The following MYBPH variants were observed in gnomAD, a reference collection of about 807,000 sequenced individuals.
The protein encoded by MYBPH is myosin binding protein H, also known as myosin-binding protein H.
MYBPH carries 49 observed loss-of-function variants against 53.6 expected under a neutral mutation model. The ratio of observed to expected loss-of-function variants is 0.91; its 90% CI spans 0.73 to 1.16. The LOEUF is 1.16. MYBPH is among the 50% of genes most tolerant of loss of function. MYBPH has a pLI of 0.00. For synonymous variants in MYBPH, 239 were observed against 249.6 expected (o/e 0.96, Z 0.40); for missense variants, 558 against 624.1 (o/e 0.89, Z 1.13).
At chr1:203,169,194 G>T (rs1454867425) in intron 8 of MYBPH, 59 bp downstream of exon 8, 1 of 1,577,356 alleles carries the variant, frequency 6.3e-7, no homozygotes, top group Non-Finnish European at 8.6e-7. Flanking sequence ...GGATTCCTCA[G>T]CCCTGCTGTC....
At chr1:203,174,884 T>G (rs1655769265) in intron 2 of MYBPH, among the ~76,000 whole-genome samples, 2 of 152,086 alleles carry the variant, frequency 1.3e-5, no homozygotes, top group African/African-American at 2.4e-5. Flanking sequence ...AGGCTGGACT[T>G]GGGCCATGGA....
At position 203,171,289 on chromosome 1, in the gene MYBPH, C is replaced by A; in HGVS notation, c.794-89G>T. On this transcript the variant is annotated intron_variant, in intron 5 of 10. Transcript: ENST00000255416. The surrounding 1 kb of genome is among the most constrained non-coding windows in gnomAD (Gnocchi z 4.2). ...CCCAAAATTTGGCTCTTGCCACACTCCCTTGGCCTGCTCCCATCAGCCATC... is the reference window on the plus strand; with the variant it reads ...CCCAAAATTTGGCTCTTGCCACACTACCTTGGCCTGCTCCCATCAGCCATC... The A allele has an allele frequency of 6.4e-7, 1 of 1,560,250 alleles. No homozygotes were observed.
In MYBPH at chr1:203,174,398, G is replaced by T. The variant is rs763326186; in HGVS notation, c.508+32C>A. 1.9e-6 allele frequency: 3 copies of T among 1,548,344 alleles called. No individual in the cohort carries two copies. In the Admixed American group the frequency reaches 5.5e-5, roughly 28 times the overall value. On this transcript the variant is annotated intron_variant, in intron 3 of 10. Transcript: ENST00000255416. ...CCATTAGATAAGGTGTTTGGGAAGGGCTGGGTAGCTGAAGGCCAGGATGGG... is the reference window on the plus strand; with the variant it reads ...CCATTAGATAAGGTGTTTGGGAAGGTCTGGGTAGCTGAAGGCCAGGATGGG...
intron 3 of MYBPH, 40 bp from the exon 4 acceptor site, chr1:203,172,080 G>A: frequency 8.1e-7 from 1 of 1,227,184 alleles, no homozygotes; most frequent in Non-Finnish European, 1.0e-6. Context: ...AGTGCAGTGG[G>A]GTGGCTGATT....
Position 203,175,766 on chromosome 1 carries a change from G to T in MYBPH, c.-11C>A, listed in dbSNP as rs370174867. The T allele has an allele frequency of 2.5e-6, 4 of 1,613,484 alleles. No individual in the cohort carries two copies. The Admixed American group carries it at 6.7e-5, about 27-fold the overall frequency. ...GTTTTTTTCCATCATTGCTGGACTG[G>T]CTGGGGGGCCAGGGTGGAGTGTGCA... is the stretch of plus-strand genomic sequence containing the variant. On this transcript the variant is annotated 5_prime_UTR_variant, in exon 1 of 11. Transcript: ENST00000255416.
At chr1:203,176,727 A>G (rs79032363), upstream of MYBPH, among the ~76,000 whole-genome samples, 2,219 of 152,288 alleles carry the variant, frequency 0.015, 22 homozygotes, top group African/African-American at 0.039. Flanking sequence ...AAAGCCAGAA[A>G]ATGCCATGTG....
At position 203,171,431 on chromosome 1, in the gene MYBPH, G is replaced by T; in HGVS notation, c.745C>A (p.Arg249Ser). Reference protein sequence around the residue: ...SDSGRYELTVRVEDLEAKAVI... With the variant: ...SDSGRYELTVSVEDLEAKAVI... Reference sequence around the variant, plus strand: ...GCCTTGGCCTCCAGGTCTTCCACGCGCACAGTGAGCTCGTAGCGGCCAGAG... The same window carrying T: ...GCCTTGGCCTCCAGGTCTTCCACGCTCACAGTGAGCTCGTAGCGGCCAGAG... Residue 249 changes from arginine to serine, a missense_variant, in exon 5 of 11, where the codon CGC becomes AGC. Coordinates refer to ENST00000255416, the MANE Select transcript of MYBPH (RefSeq NM_004997.3). This position sits in a 1 kb window ranked among gnomAD's most constrained non-coding sequence, Gnocchi z 4.2. 1 of 1,613,982 alleles carries T rather than the reference G, an allele frequency of 6.2e-7. No homozygotes were observed. The highest frequency in any genetic ancestry group is 8.5e-7 in the Non-Finnish European group (1 of 1,180,028).
chr1:203,171,684 T>A lies in MYBPH; in HGVS notation c.598-106A>T. The A allele has an allele frequency of 2.5e-6, 3 of 1,211,444 alleles. No individual in the cohort carries two copies. The allele number at this position is 1,211,444 out of a possible 1,614,324, so 75.0% of individuals were successfully genotyped here. A position where few individuals can be genotyped will look rare whatever the true frequency, so the allele number is the denominator to read the frequency against. The stretch of plus-strand genomic sequence containing the variant: ...CTGTTCTCGGGGAAGCCTGTCCCAC[T>A]GGCCCTTCTCAGGAGGGGCAGCAGA... On this transcript the variant is annotated intron_variant, in intron 4 of 10. Transcript: ENST00000255416. This position sits in a 1 kb window ranked among gnomAD's most constrained non-coding sequence, Gnocchi z 4.2.
upstream of MYBPH, among the ~76,000 whole-genome samples, chr1:203,177,150 T>C (rs1655827297): frequency 6.6e-6 from 1 of 152,176 alleles, no homozygotes; most frequent in South Asian, 2.1e-4. Flanking sequence ...CAGGCTCCCT[T>C]CTTCAAGGTA....
chr1:203,169,648 T>A (rs7545750), intron 7 of MYBPH, among the ~76,000 whole-genome samples: 11,279 of 152,234 alleles, frequency 0.074, 539 homozygotes, highest in South Asian at 0.2. Context: ...GTGCCACGTT[T>A]CCTTTGGGTT....
chr1:203,177,101 A>T (rs888854126), upstream of MYBPH, among the ~76,000 whole-genome samples: 2 of 152,238 alleles, frequency 1.3e-5, no homozygotes, highest in African/African-American at 4.8e-5. Flanking sequence ...GTTGCGTCTC[A>T]TCTGTCTCAT....
chr1:203,168,856 C>T, intron 9 of MYBPH, 50 bp downstream of exon 9: 1 of 1,604,234 alleles, frequency 6.2e-7, no homozygotes, highest in Non-Finnish European at 8.5e-7. Context: ...TGCCTCTAGT[C>T]CAGTTCCAGA....
chr1:203,177,703 G>T (rs1050597766), upstream of MYBPH, among the ~76,000 whole-genome samples: 4 of 152,378 alleles, frequency 2.6e-5, no homozygotes, highest in Admixed American at 2.0e-4. Context: ...GCCCTGGAGA[G>T]CCTGTCCCCG....
Position 203,171,601 on chromosome 1 carries a change from G to T in MYBPH, c.598-23C>A, listed in dbSNP as rs760975612. On this transcript the variant is annotated intron_variant, in intron 4 of 10. Coordinates refer to ENST00000255416, the MANE Select transcript of MYBPH (RefSeq NM_004997.3). The surrounding 1 kb of genome is among the most constrained non-coding windows in gnomAD (Gnocchi z 4.2). ...CCCCTGGCAGGGAGGAGCCCCCAGGGTGAGTGTAGGGAGGTGCCAGAGTCC... is the reference window on the plus strand; with the variant it reads ...CCCCTGGCAGGGAGGAGCCCCCAGGTTGAGTGTAGGGAGGTGCCAGAGTCC... 6.2e-7 allele frequency: 1 copy of T among 1,600,794 alleles called. No homozygotes were observed. The highest frequency in any genetic ancestry group is 2.3e-5 in the East Asian group (1 of 44,372).
chr1:203,175,420 T>G lies in MYBPH; in HGVS notation c.247A>C (p.Ser83Arg). 3.8e-6 allele frequency: 6 copies of G among 1,558,856 alleles called. No individual in the cohort carries two copies. The highest frequency in any genetic ancestry group is 5.2e-6 in the Non-Finnish European group (6 of 1,151,782). Reference sequence around the variant, plus strand: ...CAGCTCACAGTCACAGAGCTGCTGCTCACATCATCCAGGGTCAGCAGCAGT... The same window carrying G: ...CAGCTCACAGTCACAGAGCTGCTGCGCACATCATCCAGGGTCAGCAGCAGT... ...APLLLTLDDV[S>R]SSSVTVSWEP... Residue 83 changes from serine (S) to arginine (R), a missense_variant, in exon 2 of 11, where the codon AGC becomes CGC. Transcript: ENST00000255416.
chr1:203,170,376 G>A lies in MYBPH; in HGVS notation c.1008C>T (p.Tyr336=). The A allele has an allele frequency of 6.2e-7, 1 of 1,614,248 alleles. No individual in the cohort carries two copies. Among genetic ancestry groups the A allele is most frequent in the Non-Finnish European group, 8.5e-7 (1 of 1,180,034 alleles). The change falls in exon 7 of 11, where the codon TAC becomes TAT. Residue 336 remains tyrosine, a synonymous_variant. Transcript: ENST00000255416. ...TISDLIIGNS[Y]SFRVFSENLC... ...GGTTTTCTGAGAAGACCCGGAAGGAGTACGAGTTGCCGATGATGAGGTCAG... is the reference window on the plus strand; with the variant it reads ...GGTTTTCTGAGAAGACCCGGAAGGAATACGAGTTGCCGATGATGAGGTCAG...
chr1:203,175,140 T>C (rs1182173126), intron 2 of MYBPH, among the ~76,000 whole-genome samples, 187 bp downstream of exon 2: 1 of 151,020 alleles, frequency 6.6e-6, no homozygotes, highest in African/African-American at 2.4e-5. Context: ...CCCACCCACC[T>C]ACCCTTTCTT....
rs1296338742 is a variant in MYBPH, at chr1:203,169,237, G to A, written c.1230+16C>T. 1 of 1,595,098 alleles carries A rather than the reference G, an allele frequency of 6.3e-7. No individual in the cohort carries two copies. Among genetic ancestry groups the A allele is most frequent in the African/African-American group, 1.3e-5 (1 of 74,590 alleles). ...GCCCCCACCAGCCCAGGGCACAACA[G>A]GGCCTGGCCCCTCACCTTGGGTGAA... On this transcript the variant is annotated intron_variant, in intron 8 of 10. Transcript: ENST00000255416.
In MYBPH at chr1:203,175,549, A is replaced by AC. The variant is rs1558145786; in HGVS notation, c.205+1dup. ...TCCTCCCCCTGCCCCACCTTCAGTC[A>AC]CCTTCACTTGGGGGTGCAGGCTTAG... On this transcript the variant is annotated splice_donor_variant, in intron 1 of 10. Coordinates refer to ENST00000255416, the MANE Select transcript of MYBPH (RefSeq NM_004997.3). LOFTEE classifies it high-confidence loss of function. 34 of 1,613,368 alleles carry AC rather than the reference A, an allele frequency of 2.1e-5. No individual in the cohort carries two copies. Among genetic ancestry groups the AC allele is most frequent in the Non-Finnish European group, 2.6e-5 (31 of 1,179,750 alleles).
Sources: allele counts gnomAD v4.1 joint callset (sites outside exome capture counted in the v4.1 genomes callset), GRCh38; gene constraint gnomAD v4.1.1; non-coding constraint Gnocchi (gnomAD v3.1); transcripts MANE v1.5; gene names NCBI Gene and HGNC (gene_info 2026-07-23, HGNC 2026-07-21).